RABGEF1: variants seen among roughly 807,000 people sequenced by gnomAD.
RABGEF1 encodes the protein rab5 GDP/GTP exchange factor.
RABGEF1 carries 26 observed loss-of-function variants against 57.3 expected under a neutral mutation model. The ratio of observed to expected loss-of-function variants is 0.45; its 90% CI spans 0.33 to 0.63. The LOEUF (loss-of-function observed/expected upper bound fraction) is 0.63. Among genes scored for constraint, RABGEF1 ranks in the 20% least tolerant of loss-of-function variants. RABGEF1 has a pLI of 0.02. For synonymous variants in RABGEF1, 185 were observed against 210.7 expected, an observed-to-expected ratio of 0.88 and a Z score of 1.06; for missense variants, 464 against 607.6, an observed-to-expected ratio of 0.76 and a Z score of 2.48.
chr7:66,743,927 G>A (rs1035098792), intron 1 of RABGEF1, among the ~76,000 whole-genome samples: 4 of 152,048 alleles, frequency 2.6e-5, no homozygotes, highest in Admixed American at 6.5e-5. Context: ...CACTGCACCC[G>A]GCCCTAAAAT....
At chr7:66,731,007 C>T (rs535265947) in intron 2 of RABGEF1, among the ~76,000 whole-genome samples, 8 of 152,040 alleles carry the variant, frequency 5.3e-5, no homozygotes, top group East Asian at 3.9e-4. Context: ...CGCAGGGATT[C>T]GGGGCCAGGC....
At chr7:66,771,493 CCTGTGCTTTTGGTGT>C (rs1282161833) in intron 1 of RABGEF1, among the ~76,000 whole-genome samples, 1 of 152,106 alleles carries the variant, frequency 6.6e-6, no homozygotes. Context: ...GCTTTTGTTG[CCTGTGCTTTTGGTGT>C]CATATCCTAG....
chr7:66,733,860 C>A (rs1055989946), intron 2 of RABGEF1, among the ~76,000 whole-genome samples: 1 of 152,110 alleles, frequency 6.6e-6, no homozygotes, highest in African/African-American at 2.4e-5. Context: ...AAAAAATTAG[C>A]CAGGTGTGGT....
chr7:66,715,864 GT>G lies in RABGEF1; in HGVS notation c.-815+3641del, dbSNP rs1795334522. Among the ~76,000 whole-genome samples the G allele has an allele frequency of 2.0e-5, 3 of 152,064 alleles. No individual in the cohort carries two copies. The South Asian group carries it at 6.2e-4, about 32-fold the overall frequency. On this transcript the variant is annotated intron_variant and NMD_transcript_variant, in intron 2 of 9. Transcript: ENST00000607882. ...CAACTCCTGGGTTCAGGTGCTCCTT[GT>G]GCCTCCGCCTCCTGAATAGCTGGGA... is the stretch of plus-strand genomic sequence containing the variant.
intron 3 of RABGEF1, among the ~76,000 whole-genome samples, chr7:66,781,024 A>C (rs1229811022): frequency 1.3e-5 from 2 of 151,976 alleles, no homozygotes; most frequent in Non-Finnish European, 1.5e-5. Flanking sequence ...TGTTTATAGC[A>C]CGTATATTTA....
intron 1 of RABGEF1, among the ~76,000 whole-genome samples, chr7:66,747,552 A>AT (rs995279564): frequency 2.6e-5 from 4 of 152,096 alleles, no homozygotes; most frequent in African/African-American, 4.8e-5. Flanking sequence ...CTTTTGGGGG[A>AT]TTTTCACATA....
intron 1 of RABGEF1, among the ~76,000 whole-genome samples, chr7:66,741,964 G>T (rs1014198043): frequency 6.7e-6 from 1 of 149,552 alleles, no homozygotes; most frequent in Non-Finnish European, 1.5e-5. Context: ...GTGAAACCCC[G>T]TCTCTACTAC....
chr7:66,796,935 A>G (rs1470993177), intron 5 of RABGEF1: 2 of 441,932 alleles, frequency 4.5e-6, no homozygotes, highest in Non-Finnish European at 9.0e-6. Flanking sequence ...TAACATTCTT[A>G]TACTTTTGTT....
At position 66,746,368 on chromosome 7, in the gene RABGEF1, A is replaced by T. The variant is rs1800218064; in HGVS notation, c.-18+5576A>T. 2.0e-5 allele frequency among the ~76,000 whole-genome samples: 3 copies of T among 151,206 alleles called. No individual in the cohort carries two copies. The South Asian group carries it at 6.2e-4, about 31-fold the overall frequency. ...GCCCAGGCTGGAGTGCAGTGGCGCG[A>T]TCTTGGCTCACTGCAACCTCTGCTT... On this transcript the variant is annotated intron_variant, in intron 1 of 8. Coordinates refer to ENST00000284957, the MANE Select transcript of RABGEF1 (RefSeq NM_014504.3).
At chr7:66,671,172 G>A in the RABGEF1 span, among the ~76,000 whole-genome samples, 3 of 151,572 alleles carry the variant, frequency 2.0e-5, no homozygotes, top group African/African-American at 4.8e-5. Context: ...TTGTTTTTTC[G>A]GGGGCTGCAT....
In RABGEF1 at chr7:66,808,918, C is replaced by T. The variant is rs754496301; in HGVS notation, c.1110C>T (p.Asp370=). The change falls in exon 9 of 9, where the codon GAC becomes GAT. Residue 370 remains aspartate, a synonymous_variant. Coordinates refer to ENST00000284957, the MANE Select transcript of RABGEF1 (RefSeq NM_014504.3). ...CTGTGGCTTTCATTGAGAAGCTAGACGCCCAGTCTTTGAATCTAAGTCAGG... is the reference window on the plus strand; with the variant it reads ...CTGTGGCTTTCATTGAGAAGCTAGATGCCCAGTCTTTGAATCTAAGTCAGG... The part of the protein sequence containing the change: ...CCAVAFIEKL[D]AQSLNLSQED... 124 of 1,608,544 alleles carry T rather than the reference C, an allele frequency of 7.7e-5. No individual in the cohort carries two copies. Among genetic ancestry groups the T allele is most frequent in the Non-Finnish European group, 9.8e-5 (115 of 1,175,422 alleles).
At chr7:66,717,760 C>G (rs953935076) in intron 2 of RABGEF1, among the ~76,000 whole-genome samples, 3 of 152,136 alleles carry the variant, frequency 2.0e-5, no homozygotes, top group African/African-American at 7.2e-5. Context: ...GGGTTTTGCT[C>G]TGTTGGCCAG....
Position 66,795,638 on chromosome 7 carries a change from G to T in RABGEF1, c.595+46G>T. 3 of 1,487,602 alleles carry T rather than the reference G, an allele frequency of 2.0e-6. No homozygotes were observed. In the South Asian group the frequency reaches 3.4e-5, roughly 17 times the overall value. The allele number at this position is 1,487,602 out of a possible 1,614,324, so 92.2% of individuals were successfully genotyped here. ...GAGATTGCGGGTATTGCACAGGGAT[G>T]ACTGCTCAGTCTCTTAGCAATTTCT... On this transcript the variant is annotated intron_variant, in intron 5 of 8. Transcript: ENST00000284957.
chr7:66,683,049 A>G (rs1299549803), intron 1 of RABGEF1, among the ~76,000 whole-genome samples: 1 of 151,868 alleles, frequency 6.6e-6, no homozygotes, highest in African/African-American at 2.4e-5. Context: ...TTAAATAGGA[A>G]ATTTTCCCAG....
intron 7 of RABGEF1, among the ~76,000 whole-genome samples, chr7:66,799,943 G>A (rs1181267876): frequency 3.3e-5 from 5 of 152,092 alleles, no homozygotes; most frequent in African/African-American, 7.2e-5. Context: ...TGACACTGCC[G>A]TTCTAGACAG....
chr7:66,797,331 A>G (rs768370883), intron 5 of RABGEF1, 43 bp from the exon 6 acceptor site: 397 of 1,531,404 alleles, frequency 2.6e-4, no homozygotes, highest in Non-Finnish European at 3.3e-4. Flanking sequence ...AGAGAGAGAA[A>G]AAATATATAT....
intron 2 of RABGEF1, among the ~76,000 whole-genome samples, chr7:66,728,563 TCCA>T (rs1243321469): frequency 8.5e-5 from 13 of 152,172 alleles, no homozygotes; most frequent in Non-Finnish European, 4.4e-5. Flanking sequence ...TACCATTTCT[TCCA>T]CCATCACCTC....
intron 3 of RABGEF1, among the ~76,000 whole-genome samples, chr7:66,782,576 T>TCC (rs1364326233): frequency 6.6e-6 from 1 of 151,434 alleles, no homozygotes; most frequent in Non-Finnish European, 1.5e-5. Flanking sequence ...GCTCAAGCGA[T>TCC]CCTCCTGCTT....
intron 1 of RABGEF1, among the ~76,000 whole-genome samples, chr7:66,710,144 A>T (rs572488669): frequency 6.6e-6 from 1 of 152,322 alleles, no homozygotes; most frequent in South Asian, 2.1e-4. Context: ...CATTTACTAT[A>T]TACTCTTTTT....
Sources: gnomAD v4.1 joint callset for allele counts (sites outside exome capture counted in the v4.1 genomes callset) on GRCh38, gnomAD v4.1.1 for gene constraint, MANE v1.5 for transcripts, NCBI Gene and HGNC (gene_info 2026-07-23, HGNC 2026-07-21) for gene names.